GLI3: variants seen among roughly 807,000 people sequenced by gnomAD.
GLI3 encodes the protein GLI family zinc finger 3.
A neutral mutation model predicts 100.8 loss-of-function variants in GLI3; 20 were observed. The ratio of observed to expected loss-of-function variants is 0.20; its 90% CI spans 0.14 to 0.29. The LOEUF (loss-of-function observed/expected upper bound fraction) is 0.29. GLI3 is among the 10% of genes least tolerant of loss of function. GLI3 has a pLI of 1.00. For missense variants in GLI3, 2,040 were observed against 2,128.5 expected (o/e 0.96, Z 0.82); for synonymous variants, 938 against 860.5 (o/e 1.09, Z -1.58).
At chr7:42,249,408 T>C (rs1387146445) in intron 1 of GLI3, among the ~76,000 whole-genome samples, 2 of 152,190 alleles carry the variant, frequency 1.3e-5, no homozygotes, top group Non-Finnish European at 2.9e-5. Flanking sequence ...TTAAAAAATA[T>C]AGAAATCATC....
At chr7:41,970,060 C>CA (rs1242918672) in intron 13 of GLI3, among the ~76,000 whole-genome samples, 1 of 151,806 alleles carries the variant, frequency 6.6e-6, no homozygotes, top group African/African-American at 2.4e-5. Flanking sequence ...AAAAGTATCA[C>CA]AAAACCACAA....
In GLI3 at chr7:42,220,086, T is replaced by C. The variant is rs1002772806; in HGVS notation, c.124+3044A>G. ...CCAGGATGGTCTCGATCTCCTGACC[T>C]GGTGATCCGCCCGCCTCGGCCTGCC... is the stretch of plus-strand genomic sequence containing the variant. On this transcript the variant is annotated intron_variant, in intron 2 of 14. Transcript: ENST00000395925. 3.3e-5 allele frequency among the ~76,000 whole-genome samples: 5 copies of C among 152,194 alleles called. No homozygotes were observed. In the East Asian group the frequency reaches 9.7e-4, roughly 30 times the overall value.
chr7:42,062,923 T>G, intron 4 of GLI3, among the ~76,000 whole-genome samples: 1 of 152,164 alleles, frequency 6.6e-6, no homozygotes. Flanking sequence ...ATATTTTTCA[T>G]TCAGGTGCCT....
At chr7:42,049,985 G>A (rs1337406421) in intron 4 of GLI3, among the ~76,000 whole-genome samples, 9 of 151,868 alleles carry the variant, frequency 5.9e-5, no homozygotes, top group Non-Finnish European at 1.3e-4. Context: ...GCACAGCCCG[G>A]CCCCCATCAC....
At position 41,966,379 on chromosome 7, in the gene GLI3, G is replaced by T; in HGVS notation, c.2694C>A (p.Ile898=). 6.2e-7 allele frequency: 1 copy of T among 1,609,796 alleles called. No homozygotes were observed. The highest frequency in any genetic ancestry group is 8.5e-7 in the Non-Finnish European group (1 of 1,179,378). The change falls in exon 15 of 15, where the codon ATC becomes ATA. Residue 898 remains isoleucine, a synonymous_variant. Transcript: ENST00000395925. This position sits in a 1 kb window ranked among gnomAD's most constrained non-coding sequence, Gnocchi z 5.8. ...NVSVADSYDP[I]STDASRRSSE... ...TGGAGCGGCGCGAGGCGTCGGTGGA[G>T]ATGGGGTCGTAGGAGTCGGCCACGC... is the stretch of plus-strand genomic sequence containing the variant.
intron 3 of GLI3, among the ~76,000 whole-genome samples, chr7:42,090,626 G>C (rs1785197514): frequency 6.6e-6 from 1 of 152,156 alleles, no homozygotes; most frequent in Non-Finnish European, 1.5e-5. Context: ...CTGATCATAA[G>C]ACCCAGGAAG....
intron 2 of GLI3, among the ~76,000 whole-genome samples, chr7:42,170,251 C>CA (rs779153437): frequency 0.033 from 3,412 of 104,342 alleles, 135 homozygotes; most frequent in African/African-American, 0.12. Flanking sequence ...GACTGTGTTT[C>CA]AAAAAAAAAA....
chr7:42,007,174 G>A (rs1202578140), intron 10 of GLI3, among the ~76,000 whole-genome samples: 1 of 143,354 alleles, frequency 7.0e-6, no homozygotes, highest in Non-Finnish European at 1.5e-5. Context: ...GAACACAGGG[G>A]AATAGAGTGA....
chr7:42,119,483 T>C (rs1785943488), intron 3 of GLI3, among the ~76,000 whole-genome samples: 1 of 152,164 alleles, frequency 6.6e-6, no homozygotes, highest in Non-Finnish European at 1.5e-5. Context: ...ACTCTCTTCT[T>C]AAAGTAAGTG....
rs60312798 is a variant in GLI3 at position 41,968,762 on chromosome 7, AGG to A, written c.2104-841_2104-840del. ...AAAGAAAGAAAGAAAGAAAGAAAGAAGGAAAGAAAGAAAGAAAGAAAGAAAGA... is the reference window on the plus strand; with the variant it reads ...AAAGAAAGAAAGAAAGAAAGAAAGAAAAAGAAAGAAAGAAAGAAAGAAAGA... On this transcript the variant is annotated intron_variant, in intron 13 of 14. Transcript: ENST00000395925. Among the ~76,000 whole-genome samples, 339 of 77,862 alleles carry A rather than the reference AGG, an allele frequency of 4.4e-3. 2 individuals carry two copies. The highest frequency in any genetic ancestry group is 0.017 in the African/African-American group (322 of 19,476). The allele number at this position is 77,862 out of a possible 152,430, so 51.1% of individuals were successfully genotyped here.
chr7:42,020,116 C>A (rs998209082), intron 10 of GLI3, among the ~76,000 whole-genome samples: 1 of 152,080 alleles, frequency 6.6e-6, no homozygotes. Flanking sequence ...AAAGGAAAGG[C>A]GAATGTTTAG....
At chr7:42,106,133 AG>A (rs3839731) in intron 3 of GLI3, among the ~76,000 whole-genome samples, 16,569 of 152,206 alleles carry the variant, frequency 0.11, 1,017 homozygotes, top group African/African-American at 0.17. Context: ...TCTCCCCAGC[AG>A]TTCCAGCATG....
chr7:42,263,261 T>A (rs917385881), intron 1 of GLI3, among the ~76,000 whole-genome samples: 1 of 152,160 alleles, frequency 6.6e-6, no homozygotes, highest in African/African-American at 2.4e-5. Flanking sequence ...GGCACTTTCA[T>A]GTCCATTACC....
chr7:42,209,571 T>A (rs1788221394), intron 2 of GLI3, among the ~76,000 whole-genome samples: 1 of 152,192 alleles, frequency 6.6e-6, no homozygotes, highest in Non-Finnish European at 1.5e-5. Context: ...TTCTGCAAAA[T>A]TCCTGTGGAA....
At chr7:42,067,912 T>A (rs1562712549) in intron 4 of GLI3, among the ~76,000 whole-genome samples, 1 of 152,274 alleles carries the variant, frequency 6.6e-6, no homozygotes. Flanking sequence ...TTAGTGAATC[T>A]GTAACCTCCC....
chr7:42,128,631 A>T (rs1360995942), intron 3 of GLI3, among the ~76,000 whole-genome samples: 3 of 152,236 alleles, frequency 2.0e-5, no homozygotes, highest in Non-Finnish European at 2.9e-5. Context: ...TAAGAAAGTT[A>T]TAAAGAAGGA....
chr7:42,009,709 C>T (rs1788560564), intron 10 of GLI3, among the ~76,000 whole-genome samples: 1 of 152,154 alleles, frequency 6.6e-6, no homozygotes, highest in Non-Finnish European at 1.5e-5. Flanking sequence ...TCATCACTGT[C>T]CTCTCAGTTC....
chr7:42,090,232 G>A (rs1337998170), intron 3 of GLI3, among the ~76,000 whole-genome samples: 1 of 152,186 alleles, frequency 6.6e-6, no homozygotes, highest in Non-Finnish European at 1.5e-5. Context: ...AGTGGTGAAT[G>A]AATGTGAAGA....
chr7:42,240,293 C>T (rs1337488784), upstream of GLI3, among the ~76,000 whole-genome samples: 1 of 152,182 alleles, frequency 6.6e-6, no homozygotes, highest in Non-Finnish European at 1.5e-5. Flanking sequence ...GCTTTTAAGA[C>T]AGACTTTCTT....
Sources: allele counts gnomAD v4.1 joint callset (sites outside exome capture counted in the v4.1 genomes callset), GRCh38; gene constraint gnomAD v4.1.1; non-coding constraint Gnocchi (gnomAD v3.1); transcripts MANE v1.5; gene names NCBI Gene and HGNC (gene_info 2026-07-23, HGNC 2026-07-21).